The following TOGARAM1 variants were observed in gnomAD, a reference collection of about 807,000 sequenced individuals.
TOGARAM1 encodes the protein TOG array regulator of axonemal microtubules 1.
A neutral mutation model predicts 166.6 loss-of-function variants in TOGARAM1; 100 were observed. The ratio of observed to expected loss-of-function variants is 0.60; its 90% CI spans 0.51 to 0.71. The LOEUF is 0.71. Among genes scored for constraint, TOGARAM1 ranks in the 30% least tolerant of loss-of-function variants. TOGARAM1 has a pLI of 0.00. For synonymous variants in TOGARAM1, 758 were observed against 763.8 expected (o/e 0.99, Z 0.13); for missense variants, 2,029 against 2,102.7 (o/e 0.96, Z 0.69).
chr14:45,060,458 C>T (rs1202210977), intron 16 of TOGARAM1, among the ~76,000 whole-genome samples: 1 of 151,990 alleles, frequency 6.6e-6, no homozygotes, highest in African/African-American at 2.4e-5. Flanking sequence ...TCAGGTGATC[C>T]ACCCATCTTG....
intron 18 of TOGARAM1, among the ~76,000 whole-genome samples, chr14:45,069,240 G>A (rs926658638): frequency 2.0e-5 from 3 of 151,928 alleles, no homozygotes; most frequent in Admixed American, 6.6e-5. Context: ...GTGGTGGTGC[G>A]TGCCTGTAAT....
intron 1 of TOGARAM1, among the ~76,000 whole-genome samples, chr14:44,994,695 A>T (rs1360631895): frequency 6.6e-6 from 1 of 152,190 alleles, no homozygotes; most frequent in Admixed American, 6.5e-5. Flanking sequence ...CTGTGATTAC[A>T]GGTGTGAGCT....
At chr14:45,053,229 C>T (rs900515044) in intron 15 of TOGARAM1, among the ~76,000 whole-genome samples, 62 of 151,790 alleles carry the variant, frequency 4.1e-4, no homozygotes, top group African/African-American at 1.3e-3. Flanking sequence ...TTAGTAGAGA[C>T]GGGGTTTCAC....
rs1885281516 is a variant in TOGARAM1, at chr14:44,963,085, G to A, written c.664G>A (p.Gly222Arg). ...GEVLRTLIQQ[G>R]LESTDARLRA... is the part of the protein sequence containing the mutation. The stretch of plus-strand genomic sequence containing the variant: ...GGTGCTGAGAACGCTTATACAACAA[G>A]GACTGGAAAGTACCGATGCCCGACT... The change falls in exon 1 of 20, where the codon GGA becomes AGA. Residue 222 changes from glycine (G) to arginine (R), a missense_variant. Physicochemically the swap from Gly to Arg is moderately radical, Grantham distance 125. Transcript: ENST00000361462. 6.2e-7 allele frequency: 1 copy of A among 1,614,070 alleles called. No homozygotes were observed. Among genetic ancestry groups the A allele is most frequent in the African/African-American group, 1.3e-5 (1 of 74,916 alleles).
chr14:44,962,328 T>C lies in TOGARAM1; in HGVS notation c.-94T>C, dbSNP rs546693188. The C allele has an allele frequency of 3.5e-6, 5 of 1,417,092 alleles. No homozygotes were observed. In the South Asian group the frequency reaches 6.3e-5, roughly 18 times the overall value. 87.8% of individuals were successfully genotyped at this position (1,417,092 alleles called of 1,614,324 possible). ...GCTGTTCTTTTGCCTCTTCTGCAGC[T>C]TGGGGCTTGGAGAGGATCTGGAAGT... On this transcript the variant is annotated 5_prime_UTR_variant, in exon 1 of 20. Transcript: ENST00000361462.
At chr14:44,998,202 T>C (rs565747564) in intron 2 of TOGARAM1, among the ~76,000 whole-genome samples, 14 of 152,366 alleles carry the variant, frequency 9.2e-5, no homozygotes, top group Admixed American at 4.6e-4. Flanking sequence ...TGTCCAGTTA[T>C]GTTTGTGGCA....
chr14:44,989,054 T>C lies in TOGARAM1; in HGVS notation c.2047-6692T>C, dbSNP rs1178544599. 7.9e-5 allele frequency among the ~76,000 whole-genome samples: 12 copies of C among 152,340 alleles called. No homozygotes were observed. The East Asian group carries it at 2.3e-3, about 29-fold the overall frequency. On this transcript the variant is annotated intron_variant, in intron 1 of 19. Coordinates refer to ENST00000361462, the MANE Select transcript of TOGARAM1 (RefSeq NM_001308120.2). The stretch of plus-strand genomic sequence containing the variant: ...AATTCCTGTTCCACTGAAAAAGAGA[T>C]AACAAGTGTTTGTTGTTTTAATCTA...
intron 13 of TOGARAM1, among the ~76,000 whole-genome samples, chr14:45,045,129 A>G (rs1482008846): frequency 6.6e-6 from 1 of 152,076 alleles, no homozygotes; most frequent in Non-Finnish European, 1.5e-5. Flanking sequence ...CATCTAGGCA[A>G]TTTGGCTTTA....
At chr14:45,035,191 G>T (rs1881360607) in intron 11 of TOGARAM1, among the ~76,000 whole-genome samples, 1 of 151,896 alleles carries the variant, frequency 6.6e-6, no homozygotes, top group Non-Finnish European at 1.5e-5. Flanking sequence ...AAAATCCTGT[G>T]TCTACCAAAA....
rs1300344865 is a variant in TOGARAM1, at chr14:45,045,671, GTA to G, written c.4154+810_4154+811del. Among the ~76,000 whole-genome samples, 17 of 79,730 alleles carry G rather than the reference GTA, an allele frequency of 2.1e-4. No homozygotes were observed. In the South Asian group the frequency reaches 2.8e-3, roughly 13 times the overall value. 52.3% of individuals were successfully genotyped at this position (79,730 alleles called of 152,430 possible). ...TACATATATACACACATATATATGTGTATATATATACACATATATACACATAT... is the reference window on the plus strand; with the variant it reads ...TACATATATACACACATATATATGTGTATATATACACATATATACACATAT... On this transcript the variant is annotated intron_variant, in intron 13 of 19. Transcript: ENST00000361462.
Position 45,020,835 on chromosome 14 carries a change from G to T in TOGARAM1, c.3239-4948G>T, listed in dbSNP as rs767809177. Among the ~76,000 whole-genome samples, 7 of 152,160 alleles carry T rather than the reference G, an allele frequency of 4.6e-5. No homozygotes were observed. The South Asian group carries it at 6.2e-4, about 14-fold the overall frequency. ...GTTATTTCCAGATTGGAAACAAGAGGTCCTACTAAAATGGAAGTGGTGTTT... is the reference window on the plus strand; with the variant it reads ...GTTATTTCCAGATTGGAAACAAGAGTTCCTACTAAAATGGAAGTGGTGTTT... On this transcript the variant is annotated intron_variant, in intron 7 of 19. Coordinates refer to ENST00000361462, the MANE Select transcript of TOGARAM1 (RefSeq NM_001308120.2).
intron 13 of TOGARAM1, 99 bp from the exon 14 acceptor site, chr14:45,046,446 A>G: frequency 8.9e-7 from 1 of 1,125,690 alleles, no homozygotes; most frequent in Non-Finnish European, 1.1e-6. Context: ...AAAAAACAAA[A>G]CCAAAATACA....
intron 11 of TOGARAM1, among the ~76,000 whole-genome samples, chr14:45,042,555 A>G (rs1881778861): frequency 1.3e-5 from 2 of 152,098 alleles, no homozygotes; most frequent in African/African-American, 4.8e-5. Flanking sequence ...GAAATACACA[A>G]ATCTACAATT....
intron 2 of TOGARAM1, among the ~76,000 whole-genome samples, chr14:44,999,102 G>A (rs1282663880): frequency 2.0e-5 from 3 of 152,032 alleles, no homozygotes; most frequent in African/African-American, 4.8e-5. Context: ...AGTGTAGGAA[G>A]AAACTGCTTT....
intron 7 of TOGARAM1, among the ~76,000 whole-genome samples, chr14:45,015,130 C>T (rs1359732664): frequency 2.0e-5 from 3 of 151,766 alleles, no homozygotes; most frequent in Non-Finnish European, 4.4e-5. Context: ...ATAGCAAAAC[C>T]TAATCTCTAT....
In TOGARAM1 at chr14:45,073,442, T is replaced by G. The variant is rs771228420; in HGVS notation, c.5203T>G (p.Ser1735Ala). 6.2e-7 allele frequency: 1 copy of G among 1,614,158 alleles called. No homozygotes were observed. The highest frequency in any genetic ancestry group is 8.5e-7 in the Non-Finnish European group (1 of 1,180,028). The part of the protein sequence containing the change: ...GNIRTATAKL[S>A]KALFAQMGQN... ...TATACGAACAGCCACAGCTAAATTA[T>G]CAAAAGCACTCTTTGCACAGATGGG... Residue 1735 changes from serine (S) to alanine (A), a missense_variant, in exon 20 of 20, where the codon TCA (serine) becomes GCA (alanine). By Grantham distance (99) the Ser-to-Ala change is moderately conservative. Around this residue, in one of 2 missense-constraint regions of TOGARAM1, gnomAD observed 576 missense variants for 670.5 expected, o/e 0.86. Transcript: ENST00000361462.
In TOGARAM1 at chr14:45,043,696, A is replaced by C; in HGVS notation, c.3823A>C (p.Ile1275Leu). ...TTCTTTTTCTCATAGGGAGAAGAAA[A>C]TTGAGGGACTGAATTTTATTAGATG... ...LLADEDWEKK[I>L]EGLNFIRCLA... The change falls in exon 12 of 20, where the codon ATT becomes CTT. Residue 1275 changes from isoleucine (I) to leucine (L), a missense_variant. Ile to Leu is a conservative substitution (Grantham distance 5). Coordinates refer to ENST00000361462, the MANE Select transcript of TOGARAM1 (RefSeq NM_001308120.2). The C allele has an allele frequency of 6.2e-7, 1 of 1,601,102 alleles. No individual in the cohort carries two copies. The highest frequency in any genetic ancestry group is 8.6e-7 in the Non-Finnish European group (1 of 1,168,290).
At chr14:45,061,432 T>C (rs1566672870) in intron 16 of TOGARAM1, among the ~76,000 whole-genome samples, 1 of 152,210 alleles carries the variant, frequency 6.6e-6, no homozygotes, top group Admixed American at 6.5e-5. Flanking sequence ...TAATGTTAAA[T>C]AGAAGTAATA....
rs772742155 is a variant in TOGARAM1 at position 45,004,302 on chromosome 14, A to G, written c.2580A>G (p.Ser860=). The change falls in exon 4 of 20, where the codon TCA becomes TCG. Residue 860 remains serine (S), a synonymous_variant. Coordinates refer to ENST00000361462, the MANE Select transcript of TOGARAM1 (RefSeq NM_001308120.2). ...SWPLKSFEGL[S]KPSPQKKLVS... ...CTCTTAAAAGCTTCGAAGGACTATC[A>G]AAGCCAAGTCCACAGAAGAAGCTTG... The G allele has an allele frequency of 3.7e-6, 6 of 1,614,150 alleles. No homozygotes were observed. Among genetic ancestry groups the G allele is most frequent in the Non-Finnish European group, 4.2e-6 (5 of 1,180,000 alleles).
Sources: allele counts gnomAD v4.1 joint callset (sites outside exome capture counted in the v4.1 genomes callset), GRCh38; gene constraint gnomAD v4.1.1; regional missense constraint gnomAD v4.1.1; transcripts MANE v1.5; gene names NCBI Gene and HGNC (gene_info 2026-07-23, HGNC 2026-07-21).